GNB1: variants seen among roughly 807,000 people sequenced by gnomAD.
The protein encoded by GNB1 is guanine nucleotide-binding protein G(I)/G(S)/G(T) subunit beta-1.
Under a neutral mutation model 42.9 loss-of-function variants are expected in GNB1, and 2 were observed. The observed-to-expected ratio is 0.05, with a 90% CI of 0.02 to 0.15. GNB1 has a LOEUF of 0.15. Among genes scored for constraint, GNB1 ranks in the 10% least tolerant of loss-of-function variants. The pLI, the probability that GNB1 is intolerant of heterozygous loss-of-function variation, is 1.00. For missense variants in GNB1, 193 were observed against 462.2 expected (o/e 0.42, Z 5.34); for synonymous variants, 183 against 174.7 (o/e 1.05, Z -0.38).
intron 2 of GNB1, among the ~76,000 whole-genome samples, chr1:1,836,601 A>C (rs1231699811): frequency 6.6e-6 from 1 of 151,860 alleles, no homozygotes; most frequent in East Asian, 1.9e-4. Context: ...CCCAGGCTGG[A>C]GTGCAGTTGC....
chr1:1,886,350 C>T (rs1650156482), intron 1 of GNB1, among the ~76,000 whole-genome samples: 1 of 152,146 alleles, frequency 6.6e-6, no homozygotes, highest in Non-Finnish European at 1.5e-5. Flanking sequence ...CACTAATCCA[C>T]TAGCAAACTC....
At chr1:1,825,561 A>G in intron 2 of GNB1, 62 bp from the exon 3 acceptor site, 1 of 913,600 alleles carries the variant, frequency 1.1e-6, no homozygotes, top group Admixed American at 1.8e-5. Flanking sequence ...GAAGCAGGTG[A>G]GAAAAGTAAA....
At chr1:1,840,806 G>A (rs548187337) in intron 1 of GNB1, among the ~76,000 whole-genome samples, 1 of 152,354 alleles carries the variant, frequency 6.6e-6, no homozygotes, top group Non-Finnish European at 1.5e-5. Flanking sequence ...GAGATCACAA[G>A]AGAGGTTTCT....
chr1:1,873,036 C>G lies in GNB1; in HGVS notation c.-96+17784G>C, dbSNP rs558409578. ...AGGACCAGAGTCTATCTCCTACTCT[C>G]CAAGCCTGTGCTAAGCCTTGTTTTT... On this transcript the variant is annotated intron_variant, in intron 1 of 11. Coordinates refer to ENST00000378609, the MANE Select transcript of GNB1 (RefSeq NM_002074.5). 3.3e-5 allele frequency among the ~76,000 whole-genome samples: 5 copies of G among 152,140 alleles called. No individual in the cohort carries two copies. The South Asian group carries it at 6.2e-4, about 19-fold the overall frequency.
intron 2 of GNB1, among the ~76,000 whole-genome samples, chr1:1,834,184 GC>G (rs1647114344): frequency 6.6e-6 from 1 of 152,090 alleles, no homozygotes; most frequent in African/African-American, 2.4e-5. Flanking sequence ...ACTATGGTGT[GC>G]GGTCACAAAG....
chr1:1,876,362 T>C (rs1649543720), intron 1 of GNB1, among the ~76,000 whole-genome samples: 1 of 152,104 alleles, frequency 6.6e-6, no homozygotes. Context: ...ATCAGGTCAC[T>C]GCAGCCTCGA....
intron 1 of GNB1, among the ~76,000 whole-genome samples, chr1:1,848,357 C>CAA (rs56979938): frequency 5.2e-4 from 49 of 94,344 alleles, no homozygotes; most frequent in East Asian, 1.9e-3. Flanking sequence ...CCAGCCCAGG[C>CAA]AAAAAAAAAA....
Position 1,787,179 on chromosome 1 carries a change from T to A in GNB1, c.*10-126A>T. On this transcript the variant is annotated intron_variant, in intron 11 of 11. Transcript: ENST00000378609. The surrounding 1 kb of genome is among the most constrained non-coding windows in gnomAD (Gnocchi z 4.4). ...GCAGCTGAGGGCACGTGACTTCAGC[T>A]TTCTGTAAACGTTTCCCACAACACA... 1 of 596,744 alleles carries A rather than the reference T, an allele frequency of 1.7e-6. No individual in the cohort carries two copies. The highest frequency in any genetic ancestry group is 3.0e-6 in the Non-Finnish European group (1 of 332,456). 37.0% of individuals were successfully genotyped at this position (596,744 alleles called of 1,614,324 possible). A position where few individuals can be genotyped will look rare whatever the true frequency, so the allele number is the denominator to read the frequency against.
In GNB1 at chr1:1,851,099, C is replaced by T. The variant is rs552299074; in HGVS notation, c.-95-11861G>A. 2.0e-5 allele frequency among the ~76,000 whole-genome samples: 3 copies of T among 152,240 alleles called. No homozygotes were observed. The East Asian group carries it at 5.8e-4, about 29-fold the overall frequency. On this transcript the variant is annotated intron_variant, in intron 1 of 11. Coordinates refer to ENST00000378609, the MANE Select transcript of GNB1 (RefSeq NM_002074.5). ...CCTGACCAAGATGGTGAAACCCCGTCTCTACTAAAAATACAAAAATTAGCA... is the reference window on the plus strand; with the variant it reads ...CCTGACCAAGATGGTGAAACCCCGTTTCTACTAAAAATACAAAAATTAGCA...
At chr1:1,818,026 AC>A in intron 3 of GNB1, 151 bp from the exon 4 acceptor site, 1 of 626,828 alleles carries the variant, frequency 1.6e-6, no homozygotes, top group South Asian at 1.7e-5. Flanking sequence ...GCATCTCAAC[AC>A]CCCATGGTCT....
chr1:1,886,661 TA>T (rs1650173991), intron 1 of GNB1, among the ~76,000 whole-genome samples: 1 of 152,210 alleles, frequency 6.6e-6, no homozygotes, highest in Non-Finnish European at 1.5e-5. Context: ...CAACCACTCT[TA>T]ACAAATGCAA....
chr1:1,801,363 G>GAA (rs1433856231), intron 7 of GNB1, among the ~76,000 whole-genome samples: 1 of 152,062 alleles, frequency 6.6e-6, no homozygotes, highest in African/African-American at 2.4e-5. Flanking sequence ...CACATTATAA[G>GAA]ACCCCTAATT....
intron 1 of GNB1, among the ~76,000 whole-genome samples, chr1:1,860,696 G>C (rs1004034689): frequency 2.0e-5 from 3 of 149,620 alleles, no homozygotes; most frequent in East Asian, 3.9e-4. Flanking sequence ...GTGGGCAACA[G>C]AGCAAGACTC....
intron 2 of GNB1, among the ~76,000 whole-genome samples, chr1:1,836,581 C>T (rs946532323): frequency 1.3e-5 from 2 of 151,666 alleles, no homozygotes; most frequent in African/African-American, 2.4e-5. Context: ...GAGACAGTCT[C>T]GCTTTATCAC....
chr1:1,804,398 C>T, intron 7 of GNB1, 21 bp downstream of exon 7: 2 of 1,596,200 alleles, frequency 1.3e-6, no homozygotes, highest in East Asian at 2.2e-5. Flanking sequence ...TCACTTGAAG[C>T]TTATGAACAA....
intron 1 of GNB1, among the ~76,000 whole-genome samples, chr1:1,859,281 G>C (rs1447588479): frequency 1.3e-5 from 2 of 152,088 alleles, no homozygotes; most frequent in Non-Finnish European, 2.9e-5. Context: ...CTGAGCCTCC[G>C]AAAGTGCTGG....
intron 7 of GNB1, among the ~76,000 whole-genome samples, chr1:1,799,783 G>A (rs1646599824): frequency 6.6e-6 from 1 of 152,154 alleles, no homozygotes; most frequent in Non-Finnish European, 1.5e-5. Flanking sequence ...ACAACCCCAG[G>A]GCTACAGCCT....
At chr1:1,871,278 G>T (rs965591192) in intron 1 of GNB1, among the ~76,000 whole-genome samples, 1 of 152,004 alleles carries the variant, frequency 6.6e-6, no homozygotes, top group Admixed American at 6.6e-5. Context: ...TGACCAACAT[G>T]GTGAAACCCC....
chr1:1,835,285 C>T (rs1647130489), intron 2 of GNB1, among the ~76,000 whole-genome samples: 1 of 152,114 alleles, frequency 6.6e-6, no homozygotes, highest in Non-Finnish European at 1.5e-5. Context: ...AGGTTCTAAC[C>T]CAGACTCTAT....
Sources: allele counts gnomAD v4.1 joint callset (sites outside exome capture counted in the v4.1 genomes callset), GRCh38; gene constraint gnomAD v4.1.1; non-coding constraint Gnocchi (gnomAD v3.1); transcripts MANE v1.5; gene names NCBI Gene and HGNC (gene_info 2026-07-23, HGNC 2026-07-21).